CHD6: variants seen among roughly 807,000 people sequenced by gnomAD.
The protein encoded by CHD6 is ATP-dependent chromatin remodeler CHD6.
A neutral mutation model predicts 276.9 loss-of-function variants in CHD6; 50 were observed. That is an observed-to-expected ratio of 0.18 (90% CI 0.14 to 0.23). CHD6 has a LOEUF of 0.23. Among genes scored for constraint, CHD6 ranks in the 10% least tolerant of loss-of-function variants. CHD6 has a pLI of 1.00. For missense variants in CHD6, 2,564 were observed against 3,365.8 expected (o/e 0.76, Z 5.89); for synonymous variants, 1,173 against 1,229.3 (o/e 0.95, Z 0.96).
At chr20:41,540,910 A>T (rs932570689) in intron 2 of CHD6, among the ~76,000 whole-genome samples, 6 of 152,142 alleles carry the variant, frequency 3.9e-5, no homozygotes, top group Non-Finnish European at 8.8e-5. Flanking sequence ...TGTGGACAAC[A>T]TTTCAGGTAG....
chr20:41,457,116 G>A (rs2048399068), intron 18 of CHD6, 148 bp downstream of exon 18: 4 of 845,068 alleles, frequency 4.7e-6, no homozygotes, highest in Non-Finnish European at 7.0e-6. Context: ...TCTTAACGAT[G>A]CCCTGTTGTA....
intron 25 of CHD6, among the ~76,000 whole-genome samples, chr20:41,441,847 C>T (rs1299646678): frequency 2.0e-5 from 3 of 152,148 alleles, no homozygotes; most frequent in African/African-American, 7.2e-5. Flanking sequence ...CGGCTGCCTG[C>T]CTCTTTTCAC....
Position 41,498,240 on chromosome 20 carries a change from C to T in CHD6, c.916-14G>A. ...TCCTGGGTGAACCTGTAACAAACAGCAAGCAGTTATCAGCCCAGATCCCAG... is the reference window on the plus strand; with the variant it reads ...TCCTGGGTGAACCTGTAACAAACAGTAAGCAGTTATCAGCCCAGATCCCAG... On this transcript the variant is annotated splice_polypyrimidine_tract_variant and intron_variant, in intron 6 of 36. Coordinates refer to ENST00000373233, the MANE Select transcript of CHD6 (RefSeq NM_032221.5). The T allele has an allele frequency of 6.2e-7, 1 of 1,606,932 alleles. No individual in the cohort carries two copies. Among genetic ancestry groups the T allele is most frequent in the Non-Finnish European group, 8.5e-7 (1 of 1,176,628 alleles).
At chr20:41,496,481 C>T (rs943469886) in intron 8 of CHD6, among the ~76,000 whole-genome samples, 1 of 152,114 alleles carries the variant, frequency 6.6e-6, no homozygotes, top group African/African-American at 2.4e-5. Context: ...GTTTCCTCCA[C>T]GTGTGCTTTA....
chr20:41,486,533 G>C (rs995638014), intron 14 of CHD6, among the ~76,000 whole-genome samples: 3 of 152,166 alleles, frequency 2.0e-5, no homozygotes, highest in African/African-American at 7.2e-5. Flanking sequence ...GGAAGAAAGA[G>C]ATTGGAACCC....
intron 32 of CHD6, 136 bp from the exon 33 acceptor site, chr20:41,416,930 A>G (rs868258798): frequency 2.5e-6 from 2 of 793,840 alleles, no homozygotes; most frequent in African/African-American, 3.5e-5. Flanking sequence ...CTCACTTTAT[A>G]AGGCTTAAAA....
chr20:41,560,084 T>C (rs1446568783), intron 1 of CHD6, among the ~76,000 whole-genome samples: 5 of 152,150 alleles, frequency 3.3e-5, no homozygotes, highest in South Asian at 2.1e-4. Context: ...GTTGTCATTT[T>C]TGCCTGAAAC....
intron 14 of CHD6, chr20:41,486,128 T>C (rs1470170959): frequency 6.6e-6 from 1 of 152,180 alleles, no homozygotes; most frequent in African/African-American, 2.4e-5. Context: ...GGAATTACTA[T>C]ATAAGAACCT....
intron 17 of CHD6, among the ~76,000 whole-genome samples, chr20:41,467,958 C>A (rs1321757415): frequency 6.6e-6 from 1 of 152,164 alleles, no homozygotes; most frequent in East Asian, 1.9e-4. Context: ...TCCCACTCTA[C>A]ATGGTCATAC....
intron 1 of CHD6, among the ~76,000 whole-genome samples, chr20:41,557,568 A>G (rs1189944384): frequency 1.3e-5 from 2 of 152,240 alleles, no homozygotes; most frequent in African/African-American, 4.8e-5. Flanking sequence ...CACAGAAATG[A>G]TTTAAATTCA....
intron 20 of CHD6, 120 bp from the exon 21 acceptor site, chr20:41,453,062 C>T (rs62208497): frequency 0.13 from 92,695 of 736,368 alleles, 7,124 homozygotes; most frequent in Non-Finnish European, 0.16. Context: ...TCCTCCAGCA[C>T]GAAGGGCTAT....
chr20:41,415,528 G>A lies in CHD6; in HGVS notation c.6597C>T (p.Ala2199=), dbSNP rs2046968580. 5 of 1,614,136 alleles carry A rather than the reference G, an allele frequency of 3.1e-6. No individual in the cohort carries two copies. The highest frequency in any genetic ancestry group is 4.2e-6 in the Non-Finnish European group (5 of 1,180,016). The change falls in exon 34 of 37, where the codon GCC becomes GCT. Residue 2199 remains alanine, a synonymous_variant. Coordinates refer to ENST00000373233, the MANE Select transcript of CHD6 (RefSeq NM_032221.5). The part of the protein sequence containing the change: ...AKARGLEQFS[A]THGHTPIILN... Reference sequence around the variant, plus strand: ...GGATGATAGGGGTGTGCCCGTGGGTGGCAGAGAACTGCTCCAGGCCCCGAG... The same window carrying A: ...GGATGATAGGGGTGTGCCCGTGGGTAGCAGAGAACTGCTCCAGGCCCCGAG...
chr20:41,430,912 T>C (rs906097760), intron 27 of CHD6, among the ~76,000 whole-genome samples: 1 of 143,050 alleles, frequency 7.0e-6, no homozygotes. Flanking sequence ...CAGGCTGGAG[T>C]GTGGTGGCTC....
intron 19 of CHD6, among the ~76,000 whole-genome samples, chr20:41,455,490 A>G (rs2048353279): frequency 1.3e-5 from 2 of 152,212 alleles, no homozygotes; most frequent in African/African-American, 4.8e-5. Flanking sequence ...AAGGGAATCA[A>G]GATGTCCACT....
chr20:41,599,732 G>C (rs1278805508), intron 1 of CHD6, among the ~76,000 whole-genome samples: 1 of 152,188 alleles, frequency 6.6e-6, no homozygotes, highest in Non-Finnish European at 1.5e-5. Flanking sequence ...TCTGTACACA[G>C]CCCTTCCTGC....
chr20:41,512,965 T>G lies in CHD6; in HGVS notation c.733A>C (p.Arg245=), dbSNP rs1372796482. Residue 245 remains arginine, a synonymous_variant, in exon 5 of 37, where the codon AGA becomes CGA. Transcript: ENST00000373233. ...KRRSGRQVKR[R]KYNEDLDFKV... is the part of the protein sequence containing the mutation. Reference sequence around the variant, plus strand: ...AAGTCCAGGTCCTCATTGTATTTTCTGCGCTTTACTTGCCTTCCCGAGCGT... The same window carrying G: ...AAGTCCAGGTCCTCATTGTATTTTCGGCGCTTTACTTGCCTTCCCGAGCGT... The G allele has an allele frequency of 6.2e-7, 1 of 1,614,104 alleles. No individual in the cohort carries two copies. Among genetic ancestry groups the G allele is most frequent in the Non-Finnish European group, 8.5e-7 (1 of 1,179,948 alleles).
chr20:41,415,180 A>G lies in CHD6; in HGVS notation c.6939+6T>C. The G allele has an allele frequency of 6.2e-7, 1 of 1,611,938 alleles. No homozygotes were observed. Among genetic ancestry groups the G allele is most frequent in the Non-Finnish European group, 8.5e-7 (1 of 1,178,556 alleles). On this transcript the variant is annotated splice_donor_region_variant and intron_variant, in intron 34 of 36. Transcript: ENST00000373233. ...ATGTTTTTAATCTAATGACCTCAATACCCACCAAGATTCCCGCCTGAAGTG... is the reference window on the plus strand; with the variant it reads ...ATGTTTTTAATCTAATGACCTCAATGCCCACCAAGATTCCCGCCTGAAGTG...
chr20:41,459,658 G>A (rs1011788440), intron 17 of CHD6, among the ~76,000 whole-genome samples: 51 of 152,112 alleles, frequency 3.4e-4, no homozygotes, highest in African/African-American at 1.1e-3. Context: ...TTCTCTTGCC[G>A]CCGCCATGTA....
intron 17 of CHD6, among the ~76,000 whole-genome samples, chr20:41,472,489 T>C (rs1035860213): frequency 1.3e-4 from 20 of 152,184 alleles, no homozygotes; most frequent in Admixed American, 3.9e-4. Flanking sequence ...CCCATAATCC[T>C]AGTGTTAGTA....
Sources: allele counts gnomAD v4.1 joint callset (sites outside exome capture counted in the v4.1 genomes callset), GRCh38; gene constraint gnomAD v4.1.1; transcripts MANE v1.5; gene names NCBI Gene and HGNC (gene_info 2026-07-23, HGNC 2026-07-21).